Variants in CTNNA3 observed in about 807,000 individuals in gnomAD.
CTNNA3 encodes the protein catenin alpha 3.
A neutral mutation model predicts 95.7 loss-of-function variants in CTNNA3; 76 were observed. That is an observed-to-expected ratio of 0.79 (90% CI 0.66 to 0.96). CTNNA3 has a LOEUF of 0.96. Ranked by LOEUF, CTNNA3 falls within the 40% of genes least tolerant of loss-of-function variation. The pLI, the probability that CTNNA3 is intolerant of heterozygous loss-of-function variation, is 0.00. For synonymous variants in CTNNA3, 431 were observed against 374.4 expected (o/e 1.15, Z -1.74); for missense variants, 1,191 against 1,089.8 (o/e 1.09, Z -1.31).
At chr10:66,926,802 A>T in intron 7 of CTNNA3, 2 of 982,014 alleles carry the variant, frequency 2.0e-6, no homozygotes, top group Non-Finnish European at 2.9e-6. Flanking sequence ...ATAATATGTG[A>T]TGTTAAGTGT....
chr10:66,440,504 G>A (rs1329543126), intron 11 of CTNNA3, among the ~76,000 whole-genome samples: 1 of 152,012 alleles, frequency 6.6e-6, no homozygotes, highest in Non-Finnish European at 1.5e-5. Flanking sequence ...TTTAAATGCT[G>A]ACAAAATAAA....
chr10:66,174,422 G>T (rs1313740102), intron 13 of CTNNA3, among the ~76,000 whole-genome samples: 1 of 151,856 alleles, frequency 6.6e-6, no homozygotes, highest in African/African-American at 2.4e-5. Context: ...TTATTATCAA[G>T]ATTTAAATTA....
intron 11 of CTNNA3, among the ~76,000 whole-genome samples, chr10:66,434,485 C>A (rs12777938): frequency 0.26 from 40,227 of 152,010 alleles, 5,471 homozygotes; most frequent in South Asian, 0.39. Context: ...GATTTTTGCA[C>A]ATTGATTTTG....
intron 8 of CTNNA3, among the ~76,000 whole-genome samples, chr10:66,769,733 T>G (rs2132800355): frequency 6.6e-6 from 1 of 152,342 alleles, no homozygotes; most frequent in East Asian, 1.9e-4. Context: ...TAGAAACTAC[T>G]GCATAAAATT....
chr10:66,465,055 G>A (rs550523069), intron 11 of CTNNA3, among the ~76,000 whole-genome samples: 1 of 152,234 alleles, frequency 6.6e-6, no homozygotes, highest in East Asian at 1.9e-4. Flanking sequence ...CAAAATTTCA[G>A]AAACAAGAGA....
At chr10:66,273,450 A>G (rs1266477150) in intron 13 of CTNNA3, among the ~76,000 whole-genome samples, 2 of 152,210 alleles carry the variant, frequency 1.3e-5, no homozygotes, top group African/African-American at 2.4e-5. Flanking sequence ...GGTTGACCAC[A>G]GATAAGTGAA....
chr10:66,041,220 C>T (rs2079681048), intron 15 of CTNNA3, among the ~76,000 whole-genome samples: 1 of 152,060 alleles, frequency 6.6e-6, no homozygotes, highest in Admixed American at 6.6e-5. Context: ...ATATAACTGA[C>T]TAGTATTCTT....
chr10:67,620,503 C>T (rs906484055), intron 2 of CTNNA3, among the ~76,000 whole-genome samples: 1 of 152,152 alleles, frequency 6.6e-6, no homozygotes, highest in African/African-American at 2.4e-5. Context: ...TGTTGAATCA[C>T]ATCAGTTTAC....
At chr10:67,646,280 G>A (rs151161241) in intron 2 of CTNNA3, among the ~76,000 whole-genome samples, 15 of 150,302 alleles carry the variant, frequency 1.0e-4, no homozygotes, top group African/African-American at 3.2e-4. Flanking sequence ...GCCTCCCAAA[G>A]TGCTGGGATT....
intron 10 of CTNNA3, among the ~76,000 whole-genome samples, chr10:66,544,332 A>G (rs1911304): frequency 0.92 from 139,946 of 151,978 alleles, 64,633 homozygotes; most frequent in East Asian, 0.98. Flanking sequence ...AATGTTGAAC[A>G]CATCCTAAAG....
chr10:66,482,855 C>A (rs1017443758), intron 11 of CTNNA3, among the ~76,000 whole-genome samples: 1 of 152,078 alleles, frequency 6.6e-6, no homozygotes, highest in South Asian at 2.1e-4. Flanking sequence ...GACAAAAAAG[C>A]TTTTGCACCA....
intron 11 of CTNNA3, among the ~76,000 whole-genome samples, chr10:66,457,756 C>T (rs538448069): frequency 5.9e-5 from 9 of 152,022 alleles, no homozygotes; most frequent in South Asian, 2.1e-4. Context: ...ACAAAAATAG[C>T]GAGTAATGTG....
chr10:66,865,854 T>C (rs1274265556), intron 7 of CTNNA3, among the ~76,000 whole-genome samples: 1 of 152,106 alleles, frequency 6.6e-6, no homozygotes, highest in African/African-American at 2.4e-5. Flanking sequence ...AACATTTGAA[T>C]AAAAGTAATA....
At chr10:67,152,417 A>G (rs1861124145) in intron 7 of CTNNA3, among the ~76,000 whole-genome samples, 1 of 152,242 alleles carries the variant, frequency 6.6e-6, no homozygotes, top group African/African-American at 2.4e-5. Context: ...CATTGATAGA[A>G]ATCAATAAAT....
chr10:66,956,233 G>A (rs1848785594), intron 7 of CTNNA3, among the ~76,000 whole-genome samples: 1 of 151,072 alleles, frequency 6.6e-6, no homozygotes, highest in Non-Finnish European at 1.5e-5. Context: ...GCTGTCTTGT[G>A]CAAATCTAGG....
intron 1 of CTNNA3, among the ~76,000 whole-genome samples, chr10:67,674,538 T>C (rs1589557614): frequency 6.6e-6 from 1 of 152,184 alleles, no homozygotes; most frequent in East Asian, 1.9e-4. Context: ...CAAATTGGTC[T>C]CCAAAAAACA....
intron 12 of CTNNA3, among the ~76,000 whole-genome samples, chr10:66,302,841 T>C (rs2091882241): frequency 1.3e-5 from 2 of 152,120 alleles, no homozygotes; most frequent in South Asian, 4.1e-4. Flanking sequence ...AAGGCAAAAT[T>C]CATCATTACA....
intron 5 of CTNNA3, among the ~76,000 whole-genome samples, chr10:67,477,635 G>A (rs1287814051): frequency 2.0e-5 from 3 of 152,156 alleles, no homozygotes; most frequent in Non-Finnish European, 2.9e-5. Context: ...AAGAAGCGGG[G>A]AAAGGGAAAG....
At chr10:66,572,562 ACT>A (rs1024518168) in intron 10 of CTNNA3, among the ~76,000 whole-genome samples, 4 of 151,128 alleles carry the variant, frequency 2.6e-5, no homozygotes, top group Admixed American at 6.6e-5. Flanking sequence ...TTAGGCCAGG[ACT>A]CAAAAAAAAA....
Sources: allele counts gnomAD v4.1 joint callset (sites outside exome capture counted in the v4.1 genomes callset), GRCh38; gene constraint gnomAD v4.1.1; transcripts MANE v1.5; gene names NCBI Gene and HGNC (gene_info 2026-07-23, HGNC 2026-07-21).